Variants in KCTD8 observed in about 807,000 individuals in gnomAD.
The protein encoded by KCTD8 is potassium channel tetramerization domain containing 8, also known as BTB/POZ domain-containing protein KCTD8.
A neutral mutation model predicts 31.5 loss-of-function variants in KCTD8; 27 were observed. The observed-to-expected ratio is 0.86, with a 90% CI of 0.63 to 1.18. The LOEUF is 1.18. Among genes scored for constraint, KCTD8 ranks in the 50% most tolerant of loss-of-function variants. KCTD8 has a pLI of 0.00. For missense variants in KCTD8, 658 were observed against 647.7 expected (o/e 1.02, Z -0.17); for synonymous variants, 290 against 280.0 (o/e 1.04, Z -0.36).
intron 1 of KCTD8, among the ~76,000 whole-genome samples, chr4:44,342,032 C>A (rs936593859): frequency 6.6e-6 from 1 of 152,192 alleles, no homozygotes; most frequent in South Asian, 2.1e-4. Context: ...AAATCTCCAT[C>A]GGAGTTCTTG....
intron 1 of KCTD8, among the ~76,000 whole-genome samples, chr4:44,381,486 A>T (rs1457932103): frequency 6.6e-6 from 1 of 152,174 alleles, no homozygotes; most frequent in Non-Finnish European, 1.5e-5. Flanking sequence ...ATTCCATGCA[A>T]ACAGGAACCA....
At chr4:44,260,510 G>C (rs1487912076) in intron 1 of KCTD8, among the ~76,000 whole-genome samples, 1 of 151,882 alleles carries the variant, frequency 6.6e-6, no homozygotes, top group African/African-American at 2.4e-5. Context: ...AGTGGGGAGA[G>C]ATATCACTTA....
chr4:44,420,423 T>C (rs1721182430), intron 1 of KCTD8, among the ~76,000 whole-genome samples: 1 of 152,176 alleles, frequency 6.6e-6, no homozygotes, highest in Non-Finnish European at 1.5e-5. Flanking sequence ...GCAAACTTTT[T>C]CTTCTAAAAG....
intron 1 of KCTD8, among the ~76,000 whole-genome samples, chr4:44,347,063 T>C (rs986366538): frequency 3.3e-5 from 5 of 152,136 alleles, no homozygotes; most frequent in African/African-American, 1.2e-4. Flanking sequence ...AATACAGCCA[T>C]GTTATGGTTG....
chr4:44,384,921 T>C (rs2109445507), intron 1 of KCTD8, among the ~76,000 whole-genome samples: 1 of 151,694 alleles, frequency 6.6e-6, no homozygotes, highest in African/African-American at 2.4e-5. Flanking sequence ...GTATTATTAT[T>C]ATGTGTCAAT....
At chr4:44,339,660 G>A (rs1437824126) in intron 1 of KCTD8, among the ~76,000 whole-genome samples, 2 of 152,072 alleles carry the variant, frequency 1.3e-5, no homozygotes, top group East Asian at 3.8e-4. Flanking sequence ...TACTGATATA[G>A]AAGATTTTAT....
At chr4:44,194,103 A>C (rs1281661141) in intron 1 of KCTD8, among the ~76,000 whole-genome samples, 1 of 152,164 alleles carries the variant, frequency 6.6e-6, no homozygotes, top group African/African-American at 2.4e-5. Flanking sequence ...TATTTGTATG[A>C]GAAGATACAT....
intron 1 of KCTD8, among the ~76,000 whole-genome samples, chr4:44,401,794 C>A (rs1341264652): frequency 6.6e-6 from 1 of 152,174 alleles, no homozygotes; most frequent in Admixed American, 6.5e-5. Flanking sequence ...TTCTCTTATT[C>A]TCTTATTCTC....
chr4:44,186,741 G>C (rs964947379), intron 1 of KCTD8, among the ~76,000 whole-genome samples: 1 of 152,294 alleles, frequency 6.6e-6, no homozygotes, highest in East Asian at 1.9e-4. Context: ...AATTTTTCCC[G>C]TTTCATAGTC....
intron 1 of KCTD8, among the ~76,000 whole-genome samples, chr4:44,222,188 A>G (rs1326091390): frequency 6.6e-6 from 1 of 152,176 alleles, no homozygotes; most frequent in East Asian, 1.9e-4. Flanking sequence ...TTTATTATAG[A>G]GGTTAGTCAT....
At chr4:44,401,739 TAA>T (rs1720670819) in intron 1 of KCTD8, among the ~76,000 whole-genome samples, 2 of 152,136 alleles carry the variant, frequency 1.3e-5, no homozygotes, top group Non-Finnish European at 2.9e-5. Context: ...TAGGACATAC[TAA>T]GTCTTAAACA....
At chr4:44,424,833 A>G (rs147999479) in intron 1 of KCTD8, among the ~76,000 whole-genome samples, 104 of 152,190 alleles carry the variant, frequency 6.8e-4, no homozygotes, top group African/African-American at 2.5e-3. Context: ...GCTGTTACCC[A>G]GTTCTCATTG....
At chr4:44,348,934 CCTCT>C (rs1719115191) in intron 1 of KCTD8, among the ~76,000 whole-genome samples, 2 of 152,064 alleles carry the variant, frequency 1.3e-5, no homozygotes, top group Non-Finnish European at 2.9e-5. Context: ...TGATTTTTTT[CCTCT>C]CTTTCTTCAA....
chr4:44,413,740 T>A (rs1481942651), intron 1 of KCTD8, among the ~76,000 whole-genome samples: 1 of 151,906 alleles, frequency 6.6e-6, no homozygotes, highest in East Asian at 1.9e-4. Context: ...CACCCCCAAT[T>A]CCTGGATTCT....
chr4:44,261,670 A>C (rs969692754), intron 1 of KCTD8, among the ~76,000 whole-genome samples: 2 of 152,002 alleles, frequency 1.3e-5, no homozygotes, highest in African/African-American at 4.8e-5. Context: ...TCCATAAATA[A>C]GTGAGATCAT....
chr4:44,222,638 A>G, intron 1 of KCTD8, among the ~76,000 whole-genome samples: 1 of 152,138 alleles, frequency 6.6e-6, no homozygotes, highest in African/African-American at 2.4e-5. Flanking sequence ...CTGCAACTTC[A>G]CGTCCACCTT....
At chr4:44,442,774 T>TACACACGTATAGACAC (rs10938342) in intron 1 of KCTD8, among the ~76,000 whole-genome samples, 79 of 147,342 alleles carry the variant, frequency 5.4e-4, no homozygotes, top group African/African-American at 1.9e-3. Context: ...AACTAAGGTA[T>TACACACGTATAGACAC]ACACACACAC....
chr4:44,299,493 G>C (rs2109390930), intron 1 of KCTD8, among the ~76,000 whole-genome samples: 2 of 152,268 alleles, frequency 1.3e-5, no homozygotes, highest in Middle Eastern at 6.8e-3. Flanking sequence ...CACTTTGGGA[G>C]GCCAAGGCAG....
intron 1 of KCTD8, among the ~76,000 whole-genome samples, chr4:44,333,131 T>C (rs1165871170): frequency 1.3e-5 from 2 of 152,044 alleles, no homozygotes; most frequent in Non-Finnish European, 1.5e-5. Flanking sequence ...ATTATAATCA[T>C]AGGGAGACAG....
Sources: allele counts gnomAD v4.1 joint callset (sites outside exome capture counted in the v4.1 genomes callset), GRCh38; gene constraint gnomAD v4.1.1; transcripts MANE v1.5; gene names NCBI Gene and HGNC (gene_info 2026-07-23, HGNC 2026-07-21).